Variants in CHST11 observed in about 807,000 individuals in gnomAD.
CHST11 encodes C4S-1.
A neutral mutation model predicts 30.4 loss-of-function variants in CHST11; 9 were observed. The observed-to-expected ratio is 0.30, with a 90% CI of 0.18 to 0.52. The LOEUF is 0.52. Ranked by LOEUF, CHST11 falls within the 20% of genes least tolerant of loss-of-function variation. CHST11 has a pLI of 0.97. For missense variants in CHST11, 348 were observed against 460.6 expected (o/e 0.76, Z 2.24); for synonymous variants, 152 against 187.8 (o/e 0.81, Z 1.56).
intron 1 of CHST11, among the ~76,000 whole-genome samples, chr12:104,512,531 A>G (rs1197008727): frequency 5.3e-5 from 8 of 152,152 alleles, no homozygotes; most frequent in Non-Finnish European, 1.2e-4. Flanking sequence ...AATCCTGTTT[A>G]CTGCTCTTGT....
At chr12:104,685,803 A>G (rs147156976) in intron 2 of CHST11, among the ~76,000 whole-genome samples, 1 of 152,350 alleles carries the variant, frequency 6.6e-6, no homozygotes, top group East Asian at 1.9e-4. Context: ...CTGGTGCTGA[A>G]CATGTGTTCT....
intron 2 of CHST11, among the ~76,000 whole-genome samples, chr12:104,664,205 A>G (rs888300724): frequency 1.3e-5 from 2 of 152,196 alleles, no homozygotes; most frequent in Non-Finnish European, 2.9e-5. Context: ...CCACGAGGTG[A>G]ACTGAATTTT....
intron 1 of CHST11, among the ~76,000 whole-genome samples, chr12:104,574,797 T>C (rs916424643): frequency 2.0e-5 from 3 of 151,256 alleles, no homozygotes; most frequent in African/African-American, 7.3e-5. Flanking sequence ...ACATGGCACA[T>C]GTATGCCTAT....
intron 1 of CHST11, among the ~76,000 whole-genome samples, chr12:104,577,858 G>A (rs948594495): frequency 2.0e-5 from 3 of 152,116 alleles, no homozygotes; most frequent in Non-Finnish European, 2.9e-5. Context: ...TTCTTACCAC[G>A]TGTCAACAAA....
At position 104,757,668 on chromosome 12, in the gene CHST11, G is replaced by A. The variant is rs1391953116; in HGVS notation, c.924G>A (p.Thr308=). ...AGTTCCCCACCTATGCAAAGTCTAC[G>A]AGAACTACTGATGAAATGACCACAG... ...YLKFPTYAKS[T]RTTDEMTTEF... The change falls in exon 3 of 3, where the codon ACG becomes ACA. Residue 308 remains threonine (T), a synonymous_variant. Transcript: ENST00000303694. This position sits in a 1 kb window ranked among gnomAD's most constrained non-coding sequence, Gnocchi z 6.5. 9 of 1,613,990 alleles carry A rather than the reference G, an allele frequency of 5.6e-6. No individual in the cohort carries two copies. The African/African-American group carries it at 6.7e-5, about 12-fold the overall frequency.
chr12:104,711,230 C>T (rs1439869662), intron 2 of CHST11, among the ~76,000 whole-genome samples: 1 of 152,054 alleles, frequency 6.6e-6, no homozygotes, highest in Non-Finnish European at 1.5e-5. Flanking sequence ...TAAAACAGTG[C>T]CTGAAGTTCG....
At chr12:104,723,807 C>T (rs1009256849) in intron 2 of CHST11, among the ~76,000 whole-genome samples, 5 of 152,212 alleles carry the variant, frequency 3.3e-5, no homozygotes, top group African/African-American at 7.2e-5. Context: ...CTGACCTCTT[C>T]TCAGAGAAAA....
intron 2 of CHST11, among the ~76,000 whole-genome samples, chr12:104,647,258 A>G (rs1186175570): frequency 6.6e-6 from 1 of 152,250 alleles, no homozygotes; most frequent in Admixed American, 6.5e-5. Flanking sequence ...CGGCAGCAGC[A>G]TGCAAGGTAG....
intron 2 of CHST11, among the ~76,000 whole-genome samples, chr12:104,690,421 G>C (rs954179681): frequency 6.6e-5 from 10 of 152,152 alleles, no homozygotes; most frequent in African/African-American, 2.4e-4. Flanking sequence ...TGTTGGGTAG[G>C]AATAAAAGTC....
intron 2 of CHST11, among the ~76,000 whole-genome samples, chr12:104,677,099 T>C (rs2039749395): frequency 6.6e-6 from 1 of 152,226 alleles, no homozygotes; most frequent in Non-Finnish European, 1.5e-5. Context: ...TTTGCGTGAC[T>C]GTTGAGAGCA....
chr12:104,556,980 C>CAA (rs529711471), intron 1 of CHST11, among the ~76,000 whole-genome samples: 45 of 77,144 alleles, frequency 5.8e-4, no homozygotes, highest in Non-Finnish European at 8.7e-4. Context: ...GACTCTGTCT[C>CAA]AAAAAAAAAA....
At chr12:104,588,926 G>A (rs2038831234) in intron 1 of CHST11, 1 of 152,208 alleles carries the variant, frequency 6.6e-6, no homozygotes, top group African/African-American at 2.4e-5. Flanking sequence ...ATGCCCATCA[G>A]TGGATGAATG....
intron 1 of CHST11, among the ~76,000 whole-genome samples, chr12:104,515,310 G>A (rs958037408): frequency 2.0e-5 from 3 of 152,208 alleles, no homozygotes; most frequent in African/African-American, 7.2e-5. Flanking sequence ...GAATAGGCCT[G>A]TGAAGCTGAA....
rs2040508374 is a variant in CHST11 at position 104,759,686 on chromosome 12, C to T, written c.*1883C>T. The T allele has an allele frequency of 1.3e-5, 2 of 152,104 alleles. No individual in the cohort carries two copies. Among genetic ancestry groups the T allele is most frequent in the Non-Finnish European group, 1.5e-5 (1 of 68,024 alleles). 9.4% of individuals were successfully genotyped at this position (152,104 alleles called of 1,614,324 possible). Reference sequence around the variant, plus strand: ...TATTTAACGTGAGTGAGATGTGGGCCGGAGAAGGTAGCTGAAGCTATTTAT... The same window carrying T: ...TATTTAACGTGAGTGAGATGTGGGCTGGAGAAGGTAGCTGAAGCTATTTAT... On this transcript the variant is annotated 3_prime_UTR_variant, in exon 3 of 3. Transcript: ENST00000303694.
chr12:104,644,658 G>T (rs1394453755), intron 2 of CHST11, among the ~76,000 whole-genome samples: 1 of 152,236 alleles, frequency 6.6e-6, no homozygotes, highest in Non-Finnish European at 1.5e-5. Flanking sequence ...CTCTGGCTGA[G>T]TCCTGGCCCT....
At position 104,729,095 on chromosome 12, in the gene CHST11, A is replaced by T. The variant is rs1003591605; in HGVS notation, c.205-27854A>T. ...TTATTGTTTTCCTCTAATTATTACC[A>T]TTAGTTTCTGCAGTTGTTTTAAGGA... On this transcript the variant is annotated intron_variant, in intron 2 of 2. Coordinates refer to ENST00000303694, the MANE Select transcript of CHST11 (RefSeq NM_018413.6). This position sits in a 1 kb window ranked among gnomAD's most constrained non-coding sequence, Gnocchi z 4.0. Among the ~76,000 whole-genome samples, 2 of 152,182 alleles carry T rather than the reference A, an allele frequency of 1.3e-5. No homozygotes were observed. Among genetic ancestry groups the T allele is most frequent in the Non-Finnish European group, 2.9e-5 (2 of 68,036 alleles).
intron 2 of CHST11, 113 bp downstream of exon 2, chr12:104,602,104 G>T: frequency 2.8e-6 from 2 of 725,470 alleles, no homozygotes; most frequent in South Asian, 1.7e-5. Flanking sequence ...TCACAGCCTG[G>T]CATTTTACCT....
intron 1 of CHST11, among the ~76,000 whole-genome samples, chr12:104,463,279 AT>A (rs575892119): frequency 0.012 from 1,869 of 150,834 alleles, 37 homozygotes; most frequent in African/African-American, 0.043. Context: ...CTGCTGATTC[AT>A]TTTTTTTTCT....
At chr12:104,690,693 G>A (rs2039889220) in intron 2 of CHST11, among the ~76,000 whole-genome samples, 1 of 152,150 alleles carries the variant, frequency 6.6e-6, no homozygotes, top group South Asian at 2.1e-4. Flanking sequence ...GCTGGGCATG[G>A]GGGCATACGC....
Sources: allele counts gnomAD v4.1 joint callset (sites outside exome capture counted in the v4.1 genomes callset), GRCh38; gene constraint gnomAD v4.1.1; non-coding constraint Gnocchi (gnomAD v3.1); transcripts MANE v1.5; gene names NCBI Gene and HGNC (gene_info 2026-07-23, HGNC 2026-07-21).